The following CACNG2 variants were observed in gnomAD, a reference collection of about 807,000 sequenced individuals.
CACNG2 encodes the protein calcium voltage-gated channel auxiliary subunit gamma 2, also known as voltage-dependent calcium channel gamma-2 subunit.
A neutral mutation model predicts 25.9 loss-of-function variants in CACNG2; 3 were observed. The ratio of observed to expected loss-of-function variants is 0.12; its 90% CI spans 0.05 to 0.30. CACNG2 has a LOEUF of 0.30. Ranked by LOEUF, CACNG2 falls within the 10% of genes least tolerant of loss-of-function variation. CACNG2 has a pLI of 1.00. For synonymous variants in CACNG2, 167 were observed against 173.3 expected, an observed-to-expected ratio of 0.96 and a Z score of 0.29; for missense variants, 341 against 432.5, an observed-to-expected ratio of 0.79 and a Z score of 1.88.
chr22:36,653,182 G>A (rs1936645738), intron 1 of CACNG2, among the ~76,000 whole-genome samples: 1 of 152,088 alleles, frequency 6.6e-6, no homozygotes, highest in Non-Finnish European at 1.5e-5. Flanking sequence ...ATATTAGCCG[G>A]GCATGGTGGC....
chr22:36,653,405 T>C (rs941868490), intron 1 of CACNG2, among the ~76,000 whole-genome samples: 2 of 127,740 alleles, frequency 1.6e-5, no homozygotes, highest in African/African-American at 1.1e-4. Flanking sequence ...TTTGAATATT[T>C]GGCTTCCTTT....
rs116913213 is a variant in CACNG2 at position 36,592,955 on chromosome 22, G to A, written c.212-5407C>T. On this transcript the variant is annotated intron_variant, in intron 1 of 3. Transcript: ENST00000300105. ...AGTGGTGTGCGCCCAGCCCAGCCCA[G>A]TCCCACCAGTCAGGACCAGTAGGGA... Among the ~76,000 whole-genome samples the A allele has an allele frequency of 4.7e-4, 71 of 152,300 alleles. 2 individuals carry two copies. In the East Asian group the frequency reaches 9.8e-3, roughly 21 times the overall value.
At chr22:36,602,793 C>A (rs987803681) in intron 1 of CACNG2, among the ~76,000 whole-genome samples, 1 of 152,174 alleles carries the variant, frequency 6.6e-6, no homozygotes, top group Non-Finnish European at 1.5e-5. Context: ...TATAAGATGA[C>A]GAACTTAATT....
At chr22:36,660,702 G>A (rs1936779683) in intron 1 of CACNG2, among the ~76,000 whole-genome samples, 1 of 152,226 alleles carries the variant, frequency 6.6e-6, no homozygotes, top group Non-Finnish European at 1.5e-5. Flanking sequence ...CACCCACAAA[G>A]TGCCCCAGTT....
intron 2 of CACNG2, among the ~76,000 whole-genome samples, chr22:36,573,290 C>A (rs1051470055): frequency 6.6e-6 from 1 of 152,056 alleles, no homozygotes; most frequent in Non-Finnish European, 1.5e-5. Flanking sequence ...ATGTGATAGA[C>A]CTGGATTCAA....
intron 1 of CACNG2, among the ~76,000 whole-genome samples, chr22:36,593,764 C>A (rs1336230607): frequency 6.6e-6 from 1 of 151,842 alleles, no homozygotes; most frequent in Non-Finnish European, 1.5e-5. Context: ...GGTCCCAACG[C>A]CTCTGGTGGC....
chr22:36,583,244 T>C (rs1427474851), intron 2 of CACNG2, among the ~76,000 whole-genome samples: 1 of 151,924 alleles, frequency 6.6e-6, no homozygotes, highest in African/African-American at 2.4e-5. Flanking sequence ...ACCAACCTGG[T>C]CAACATGGCA....
chr22:36,587,369 G>C, intron 2 of CACNG2, 96 bp downstream of exon 2: 2 of 883,836 alleles, frequency 2.3e-6, no homozygotes, highest in Non-Finnish European at 3.9e-6. Flanking sequence ...CTGCTGTGAT[G>C]AGGGCCTCTA....
intron 1 of CACNG2, among the ~76,000 whole-genome samples, chr22:36,593,446 G>A (rs1268290954): frequency 6.6e-6 from 1 of 152,192 alleles, no homozygotes; most frequent in African/African-American, 2.4e-5. Context: ...AGGAGGCAGG[G>A]AAATGGACCG....
chr22:36,639,453 G>T (rs928277898), intron 1 of CACNG2, among the ~76,000 whole-genome samples: 4 of 152,086 alleles, frequency 2.6e-5, no homozygotes, highest in Non-Finnish European at 5.9e-5. Context: ...GACTTATGTG[G>T]GTCTGGGATT....
intron 2 of CACNG2, among the ~76,000 whole-genome samples, chr22:36,567,881 C>T (rs1935155200): frequency 6.6e-6 from 1 of 151,988 alleles, no homozygotes. Flanking sequence ...ACGGAGTCTT[C>T]CCCTGTCACC....
chr22:36,600,747 A>G (rs1211716208), intron 1 of CACNG2, among the ~76,000 whole-genome samples: 1 of 152,024 alleles, frequency 6.6e-6, no homozygotes, highest in Non-Finnish European at 1.5e-5. Context: ...GAGTTTTACT[A>G]TGTTGGCCAG....
At chr22:36,701,355 GT>G (rs138609632) in intron 1 of CACNG2, among the ~76,000 whole-genome samples, 38 of 151,666 alleles carry the variant, frequency 2.5e-4, no homozygotes, top group African/African-American at 7.0e-4. Flanking sequence ...ACCCACAGGA[GT>G]TTTTTTTTCT....
chr22:36,622,729 C>T (rs927648291), intron 1 of CACNG2, among the ~76,000 whole-genome samples: 1 of 152,216 alleles, frequency 6.6e-6, no homozygotes, highest in South Asian at 2.1e-4. Context: ...AAGGCTGAGG[C>T]GGGCAGATCA....
intron 1 of CACNG2, among the ~76,000 whole-genome samples, chr22:36,615,875 AAG>A (rs1936014750): frequency 2.0e-5 from 3 of 152,256 alleles, no homozygotes; most frequent in African/African-American, 7.2e-5. Flanking sequence ...TAAAAAAAGA[AAG>A]AACTCACAGA....
intron 1 of CACNG2, among the ~76,000 whole-genome samples, chr22:36,663,242 T>C (rs1235517070): frequency 6.6e-6 from 1 of 152,082 alleles, no homozygotes; most frequent in African/African-American, 2.4e-5. Context: ...CAGTAGCTGT[T>C]TTTCCCCTTT....
Position 36,564,544 on chromosome 22 carries a change from A to G in CACNG2, c.779T>C (p.Phe260Ser). 6.2e-7 allele frequency: 1 copy of G among 1,613,930 alleles called. No individual in the cohort carries two copies. The highest frequency in any genetic ancestry group is 8.5e-7 in the Non-Finnish European group (1 of 1,179,946). Residue 260 changes from phenylalanine (F) to serine (S), a missense_variant, in exon 4 of 4, where the codon TTC becomes TCC. This residue lies in a region of CACNG2 where 172 missense variants were observed against 178.1 expected (regional missense o/e 0.97). Transcript: ENST00000300105. The surrounding 1 kb of genome is among the most constrained non-coding windows in gnomAD (Gnocchi z 6.7). ...GATCTCCGTGGACGGCAGGGTGTTG[A>G]AGCCCTTGATGCCCACGGGGGAGGC... is the stretch of plus-strand genomic sequence containing the variant. Reference protein sequence around the residue: ...RDASPVGIKGFNTLPSTEISM... With the variant: ...RDASPVGIKGSNTLPSTEISM...
chr22:36,702,535 G>A lies in CACNG2; in HGVS notation c.42C>T (p.Thr14=), dbSNP rs948547590. The stretch of plus-strand genomic sequence containing the variant: ...GGCTGAAGGCAGCGAAAGCACCAAC[G>A]GTGGTTAAAAGCATTTGAACACCTC... ...FDRGVQMLLT[T]VGAFAAFSLM... Residue 14 remains threonine, a synonymous_variant, in exon 1 of 4, where the codon ACC becomes ACT. Coordinates refer to ENST00000300105, the MANE Select transcript of CACNG2 (RefSeq NM_006078.5). 3 of 1,613,918 alleles carry A rather than the reference G, an allele frequency of 1.9e-6. No individual in the cohort carries two copies. Among genetic ancestry groups the A allele is most frequent in the Admixed American group, 1.7e-5 (1 of 59,988 alleles).
At chr22:36,661,554 C>T (rs775028697) in intron 1 of CACNG2, among the ~76,000 whole-genome samples, 23 of 152,160 alleles carry the variant, frequency 1.5e-4, no homozygotes, top group African/African-American at 1.9e-4. Context: ...GCATATTAAG[C>T]GATCCTGTCA....
Sources: gnomAD v4.1 joint callset for allele counts (sites outside exome capture counted in the v4.1 genomes callset) on GRCh38, gnomAD v4.1.1 for gene constraint, gnomAD v4.1.1 regional missense constraint, Gnocchi (gnomAD v3.1) non-coding constraint, MANE v1.5 for transcripts, NCBI Gene and HGNC (gene_info 2026-07-23, HGNC 2026-07-21) for gene names.